Variants in MDGA2 observed in about 807,000 individuals in gnomAD.
MDGA2 encodes the protein MAM domain containing glycosylphosphatidylinositol anchor 2.
A neutral mutation model predicts 117.8 loss-of-function variants in MDGA2; 40 were observed. The ratio of observed to expected loss-of-function variants is 0.34; its 90% CI spans 0.26 to 0.44. The LOEUF (loss-of-function observed/expected upper bound fraction) is 0.44, where lower values mean the gene tolerates loss of function less well. Among genes scored for constraint, MDGA2 ranks in the 20% least tolerant of loss-of-function variants. The pLI, the probability that MDGA2 is intolerant of heterozygous loss-of-function variation, is 1.00. For missense variants in MDGA2, 1,123 were observed against 1,250.6 expected (o/e 0.90, Z 1.54); for synonymous variants, 452 against 439.0 (o/e 1.03, Z -0.37).
At chr14:47,506,392 C>A (rs566345519) in intron 1 of MDGA2, among the ~76,000 whole-genome samples, 5 of 152,314 alleles carry the variant, frequency 3.3e-5, no homozygotes. Context: ...GCCACATGAA[C>A]GACTTCTTGT....
At chr14:47,383,823 A>G (rs570025061) in intron 1 of MDGA2, among the ~76,000 whole-genome samples, 1 of 152,148 alleles carries the variant, frequency 6.6e-6, no homozygotes, top group African/African-American at 2.4e-5. Flanking sequence ...CCACACCCGG[A>G]CGGTTCATTA....
intron 1 of MDGA2, among the ~76,000 whole-genome samples, chr14:47,404,498 A>T (rs1242189944): frequency 2.9e-5 from 2 of 68,766 alleles, no homozygotes; most frequent in East Asian, 1.3e-3. Flanking sequence ...TACCAAGTTT[A>T]AAAAAAAAAA....
chr14:47,436,581 A>G (rs1594855841), intron 1 of MDGA2, among the ~76,000 whole-genome samples: 1 of 152,100 alleles, frequency 6.6e-6, no homozygotes, highest in Non-Finnish European at 1.5e-5. Context: ...CATAGAAAGT[A>G]CCCTCTAGCC....
chr14:47,610,514 C>G (rs72670789), intron 1 of MDGA2, among the ~76,000 whole-genome samples: 38,809 of 151,928 alleles, frequency 0.26, 5,974 homozygotes, highest in South Asian at 0.47. Flanking sequence ...TATACACCAA[C>G]AGCAACCAAG....
chr14:46,919,383 C>T (rs1172288592), intron 10 of MDGA2, among the ~76,000 whole-genome samples: 1 of 152,144 alleles, frequency 6.6e-6, no homozygotes, highest in Non-Finnish European at 1.5e-5. Flanking sequence ...AATGTAAAGA[C>T]CTCCACTTAA....
At chr14:46,860,097 A>G (rs1427709335) in intron 14 of MDGA2, among the ~76,000 whole-genome samples, 1 of 152,120 alleles carries the variant, frequency 6.6e-6, no homozygotes, top group African/African-American at 2.4e-5. Flanking sequence ...TAATAGAAGT[A>G]TATAAATATG....
At chr14:47,623,648 T>C (rs1051256063) in intron 1 of MDGA2, among the ~76,000 whole-genome samples, 1 of 152,190 alleles carries the variant, frequency 6.6e-6, no homozygotes, top group Admixed American at 6.5e-5. Context: ...TTAATTGTCA[T>C]TACAATTGTG....
At chr14:47,599,589 C>T (rs890612435) in intron 1 of MDGA2, among the ~76,000 whole-genome samples, 1 of 152,154 alleles carries the variant, frequency 6.6e-6, no homozygotes, top group Non-Finnish European at 1.5e-5. Flanking sequence ...CCTCCATTTC[C>T]CCCTTTGACA....
chr14:46,870,588 G>A (rs1428833436), intron 14 of MDGA2, among the ~76,000 whole-genome samples: 2 of 151,928 alleles, frequency 1.3e-5, no homozygotes, highest in Non-Finnish European at 2.9e-5. Context: ...CATGCCTGCA[G>A]CTTGCTGAGA....
At chr14:47,518,642 A>T (rs987844021) in intron 1 of MDGA2, among the ~76,000 whole-genome samples, 4 of 152,184 alleles carry the variant, frequency 2.6e-5, no homozygotes, top group Non-Finnish European at 5.9e-5. Flanking sequence ...AACATTAGAT[A>T]TCTTTATAGG....
intron 6 of MDGA2, among the ~76,000 whole-genome samples, chr14:47,073,662 A>G (rs936935345): frequency 5.3e-5 from 8 of 152,190 alleles, no homozygotes; most frequent in Non-Finnish European, 1.2e-4. Flanking sequence ...CATTATTGTG[A>G]AAGGGTAAGA....
intron 1 of MDGA2, among the ~76,000 whole-genome samples, chr14:47,318,920 C>G (rs1390864356): frequency 6.6e-6 from 1 of 152,142 alleles, no homozygotes; most frequent in Non-Finnish European, 1.5e-5. Context: ...TAAATTCTAT[C>G]TTTTCCTAAC....
chr14:47,290,245 T>G (rs926284913), intron 2 of MDGA2, among the ~76,000 whole-genome samples: 2 of 151,904 alleles, frequency 1.3e-5, no homozygotes, highest in African/African-American at 4.8e-5. Context: ...GTCACAAGGG[T>G]AGAGACCTCA....
At chr14:46,953,443 T>G (rs1885442278) in intron 9 of MDGA2, among the ~76,000 whole-genome samples, 1 of 151,952 alleles carries the variant, frequency 6.6e-6, no homozygotes, top group Non-Finnish European at 1.5e-5. Context: ...TTTCTGGAAG[T>G]TAGAAGGGCA....
rs535736883 is a variant in MDGA2, at chr14:47,361,230, G to T, written c.281-59680C>A. ...CTCTATATATATATATATATATATG[G>T]CAGTAGTAATTACAACACACAAATA... On this transcript the variant is annotated intron_variant, in intron 1 of 16. Transcript: ENST00000399232. 4.9e-3 allele frequency among the ~76,000 whole-genome samples: 430 copies of T among 87,174 alleles called. 4 individuals are homozygous for T. The highest frequency in any genetic ancestry group is 0.019 in the Admixed American group (148 of 7,676). The allele number at this position is 87,174 out of a possible 152,430, so 57.2% of individuals were successfully genotyped here. A position where few individuals can be genotyped will look rare whatever the true frequency, so the allele number is the denominator to read the frequency against.
At chr14:46,948,723 G>A (rs187705757) in intron 9 of MDGA2, among the ~76,000 whole-genome samples, 75 of 151,936 alleles carry the variant, frequency 4.9e-4, no homozygotes, top group African/African-American at 1.8e-3. Flanking sequence ...CTGCTCCTTG[G>A]TAATGTCAGG....
intron 2 of MDGA2, among the ~76,000 whole-genome samples, chr14:47,294,390 AC>A (rs1888992266): frequency 1.3e-5 from 2 of 151,930 alleles, no homozygotes; most frequent in African/African-American, 4.8e-5. Flanking sequence ...GAGCCACTGC[AC>A]CCAGCTGATG....
intron 1 of MDGA2, among the ~76,000 whole-genome samples, chr14:47,557,843 C>T (rs1269860954): frequency 6.6e-6 from 1 of 152,072 alleles, no homozygotes; most frequent in East Asian, 1.9e-4. Context: ...TTTGATTTGG[C>T]CTCCCTTTAT....
intron 1 of MDGA2, among the ~76,000 whole-genome samples, chr14:47,467,323 C>T (rs1893624715): frequency 6.6e-6 from 1 of 151,980 alleles, no homozygotes. Flanking sequence ...ATGCAAACTG[C>T]ATGTGCTGCA....
Sources: allele counts gnomAD v4.1 joint callset (sites outside exome capture counted in the v4.1 genomes callset), GRCh38; gene constraint gnomAD v4.1.1; transcripts MANE v1.5; gene names NCBI Gene and HGNC (gene_info 2026-07-23, HGNC 2026-07-21).